The following GALNT9 variants were observed in gnomAD, a reference collection of about 807,000 sequenced individuals.
GALNT9 encodes GalNAc transferase 9.
In GALNT9, 47 loss-of-function variants were observed where a neutral mutation model predicts 63.1. That is an observed-to-expected ratio of 0.75 (90% CI 0.59 to 0.95). The LOEUF is 0.95. Among genes scored for constraint, GALNT9 ranks in the 40% least tolerant of loss-of-function variants. The pLI, the probability that GALNT9 is intolerant of heterozygous loss-of-function variation, is 0.00. For synonymous variants in GALNT9, 396 were observed against 365.7 expected, an observed-to-expected ratio of 1.08 and a Z score of -0.94; for missense variants, 829 against 874.8, an observed-to-expected ratio of 0.95 and a Z score of 0.66.
chr12:132,204,574 C>T (rs889327444), intron 6 of GALNT9, among the ~76,000 whole-genome samples: 1 of 152,138 alleles, frequency 6.6e-6, no homozygotes, highest in African/African-American at 2.4e-5. Flanking sequence ...GCCACCGGCT[C>T]TCCTGGGCGC....
chr12:132,285,811 A>T (rs1880561930), intron 2 of GALNT9, among the ~76,000 whole-genome samples: 1 of 152,092 alleles, frequency 6.6e-6, no homozygotes, highest in Non-Finnish European at 1.5e-5. Context: ...AGCCAAAAGT[A>T]GGGGAGGGGG....
intron 1 of GALNT9, among the ~76,000 whole-genome samples, chr12:132,303,639 A>G (rs1267582476): frequency 7.2e-5 from 2 of 27,954 alleles, no homozygotes; most frequent in African/African-American, 2.1e-4. Context: ...AGAATCGCCC[A>G]GACACACCCT....
intron 6 of GALNT9, among the ~76,000 whole-genome samples, chr12:132,228,743 G>A (rs1306008922): frequency 6.6e-6 from 1 of 152,130 alleles, no homozygotes; most frequent in African/African-American, 2.4e-5. Context: ...TCAAGACAGA[G>A]AGCAAACGAT....
chr12:132,290,404 G>A (rs543066417), intron 1 of GALNT9, among the ~76,000 whole-genome samples: 7 of 152,276 alleles, frequency 4.6e-5, no homozygotes, highest in Admixed American at 1.3e-4. Flanking sequence ...AACGCGCTGT[G>A]TCTTGGGGTG....
chr12:132,266,020 G>T (rs925303632), intron 2 of GALNT9, among the ~76,000 whole-genome samples: 1 of 149,716 alleles, frequency 6.7e-6, no homozygotes, highest in African/African-American at 2.5e-5. Context: ...GCCTTTACAC[G>T]CCCGACCTCG....
chr12:132,268,278 C>A (rs527371534), intron 2 of GALNT9, among the ~76,000 whole-genome samples: 1 of 152,116 alleles, frequency 6.6e-6, no homozygotes, highest in Non-Finnish European at 1.5e-5. Context: ...TACACACGCA[C>A]GCACACACTG....
intron 6 of GALNT9, among the ~76,000 whole-genome samples, chr12:132,223,110 GCA>G (rs1877532420): frequency 3.2e-5 from 1 of 31,128 alleles, no homozygotes; most frequent in South Asian, 1.2e-3. Flanking sequence ...TACACAACTC[GCA>G]CCCCAGACAC....
intron 1 of GALNT9, among the ~76,000 whole-genome samples, chr12:132,298,882 T>A (rs1380540046): frequency 2.0e-5 from 3 of 147,344 alleles, no homozygotes; most frequent in Non-Finnish European, 3.0e-5. Context: ...AAGCCACTCC[T>A]GAGATAACCC....
intron 6 of GALNT9, among the ~76,000 whole-genome samples, chr12:132,207,110 T>TA (rs1282932351): frequency 6.6e-6 from 1 of 152,160 alleles, no homozygotes; most frequent in African/African-American, 2.4e-5. Context: ...CATCAAGTCT[T>TA]CAGGGTGAGT....
intron 1 of GALNT9, among the ~76,000 whole-genome samples, chr12:132,313,900 G>A (rs1328718573): frequency 1.1e-5 from 1 of 91,622 alleles, no homozygotes; most frequent in South Asian, 4.3e-4. Flanking sequence ...ACATACATAC[G>A]TACATACACC....
In GALNT9 at chr12:132,284,477, A is replaced by C. The variant is rs577756841; in HGVS notation, c.419+1773T>G. The C allele has an allele frequency of 2.1e-4, 32 of 152,360 alleles. No homozygotes were observed. The East Asian group carries it at 5.0e-3, about 24-fold the overall frequency. The allele number at this position is 152,360 out of a possible 1,614,324, so 9.4% of individuals were successfully genotyped here. ...TGTTTCTTTAAACTGGCCTATTTTA[A>C]AACTAAATGCATTTTTTATTTGAAA... On this transcript the variant is annotated intron_variant, in intron 2 of 10. Transcript: ENST00000328957.
At position 132,245,819 on chromosome 12, in the gene GALNT9, G is replaced by A. The variant is rs1268568677; in HGVS notation, c.1077+2091C>T. The stretch of plus-strand genomic sequence containing the variant: ...GATTTTGTTTGGAGGGGAGGTGGGC[G>A]TGTTTCTCCCCTGGGCCCTTCCTGC... On this transcript the variant is annotated intron_variant, in intron 6 of 10. Transcript: ENST00000328957. The surrounding 1 kb of genome is among the most constrained non-coding windows in gnomAD (Gnocchi z 6.3). Among the ~76,000 whole-genome samples, 2 of 152,228 alleles carry A rather than the reference G, an allele frequency of 1.3e-5. No homozygotes were observed. The highest frequency in any genetic ancestry group is 2.4e-5 in the African/African-American group (1 of 41,468).
rs1555237919 is a variant in GALNT9 at position 132,245,406 on chromosome 12, C to A, written c.1077+2504G>T. 6.6e-6 allele frequency among the ~76,000 whole-genome samples: 1 copy of A among 152,120 alleles called. No individual in the cohort carries two copies. The highest frequency in any genetic ancestry group is 1.5e-5 in the Non-Finnish European group (1 of 68,014). The stretch of plus-strand genomic sequence containing the variant: ...GCAGTGAGCAGAGATCGTGCCACTG[C>A]ACTCCAGCCTGGGCAACAGAGTAAG... On this transcript the variant is annotated intron_variant, in intron 6 of 10. Transcript: ENST00000328957. This position sits in a 1 kb window ranked among gnomAD's most constrained non-coding sequence, Gnocchi z 6.3.
At chr12:132,287,302 C>T (rs1880639128) in intron 1 of GALNT9, among the ~76,000 whole-genome samples, 2 of 152,184 alleles carry the variant, frequency 1.3e-5, no homozygotes, top group South Asian at 4.1e-4. Context: ...TCTATCAACC[C>T]GAAACTGCTC....
chr12:132,197,499 C>CT (rs1359720484), intron 10 of GALNT9, among the ~76,000 whole-genome samples: 19 of 152,316 alleles, frequency 1.2e-4, no homozygotes, highest in African/African-American at 3.8e-4. Flanking sequence ...CATCCCCTTC[C>CT]TAAATCCTCC....
At chr12:132,200,656 G>T (rs139146278) in intron 8 of GALNT9, 1 of 155,966 alleles carries the variant, frequency 6.4e-6, no homozygotes, top group South Asian at 2.0e-4. Context: ...ACTCGTGTCC[G>T]CGTGCTCTTG....
At chr12:132,203,831 G>A (rs538464127) in intron 6 of GALNT9, 141 bp from the exon 7 acceptor site, 13 of 859,206 alleles carry the variant, frequency 1.5e-5, no homozygotes, top group East Asian at 5.5e-5. Context: ...GGTGGGTCCC[G>A]GGGCTTTGCC....
In GALNT9 at chr12:132,317,199, T is replaced by TA. The variant is rs1189226885; in HGVS notation, c.238+11766dup. ...ACCCCACAGAGCACAGCCTGCATCT[T>TA]ACACCCCACGGCACATCCCCATCCT... is the stretch of plus-strand genomic sequence containing the variant. On this transcript the variant is annotated intron_variant, in intron 1 of 10. Transcript: ENST00000328957. Among the ~76,000 whole-genome samples the TA allele has an allele frequency of 2.0e-5, 3 of 149,732 alleles. No homozygotes were observed. In the East Asian group the frequency reaches 6.0e-4, roughly 30 times the overall value.
chr12:132,281,598 C>T (rs1412611631), intron 2 of GALNT9, among the ~76,000 whole-genome samples: 5 of 152,178 alleles, frequency 3.3e-5, no homozygotes, highest in African/African-American at 1.2e-4. Flanking sequence ...GAGCAAATGC[C>T]GGCTCTGTCA....
Sources: allele counts gnomAD v4.1 joint callset (sites outside exome capture counted in the v4.1 genomes callset), GRCh38; gene constraint gnomAD v4.1.1; non-coding constraint Gnocchi (gnomAD v3.1); transcripts MANE v1.5; gene names NCBI Gene and HGNC (gene_info 2026-07-23, HGNC 2026-07-21).